The following NT5DC1 variants were observed in gnomAD, a reference collection of about 807,000 sequenced individuals.
NT5DC1 encodes the protein 5'-nucleotidase domain containing 1, also known as 5'-nucleotidase domain-containing protein 1.
Under a neutral mutation model 59.4 loss-of-function variants are expected in NT5DC1, and 42 were observed. The observed-to-expected ratio is 0.71, with a 90% CI of 0.55 to 0.92. The LOEUF is 0.92. Among genes scored for constraint, NT5DC1 ranks in the 40% least tolerant of loss-of-function variants. The probability of loss-of-function intolerance (pLI) is 0.00; values close to 1 mark genes in which losing one functional copy is unlikely to be tolerated. For missense variants in NT5DC1, 501 were observed against 537.1 expected, an observed-to-expected ratio of 0.93 and a Z score of 0.66; for synonymous variants, 172 against 188.1, an observed-to-expected ratio of 0.91 and a Z score of 0.70.
In NT5DC1 at chr6:116,120,090, G is replaced by C. The variant is rs779070916; in HGVS notation, c.529+2145G>C. 6.8e-6 allele frequency: 11 copies of C among 1,614,026 alleles called. No individual in the cohort carries two copies. Among genetic ancestry groups the C allele is most frequent in the Non-Finnish European group, 9.3e-6 (11 of 1,179,966 alleles). ...GTGTGTACTCACATTGGAGCCACTA[G>C]GAATCCTGAGAAAGAGGAGTGGACA... On this transcript the variant is annotated intron_variant, in intron 6 of 11. Coordinates refer to ENST00000319550, the MANE Select transcript of NT5DC1 (RefSeq NM_152729.3).
chr6:116,219,987 A>AC (rs1781764974), intron 6 of NT5DC1, among the ~76,000 whole-genome samples: 1 of 136,388 alleles, frequency 7.3e-6, no homozygotes, highest in Non-Finnish European at 1.6e-5. Flanking sequence ...AAAAAAAACA[A>AC]CTCTTCTTCC....
chr6:116,233,385 G>C (rs1782054392), intron 8 of NT5DC1, among the ~76,000 whole-genome samples: 1 of 152,138 alleles, frequency 6.6e-6, no homozygotes, highest in Non-Finnish European at 1.5e-5. Flanking sequence ...AATATATATG[G>C]AAGATTGTAA....
chr6:116,167,298 C>T (rs905720734), intron 6 of NT5DC1, among the ~76,000 whole-genome samples: 17 of 148,802 alleles, frequency 1.1e-4, no homozygotes, highest in South Asian at 2.1e-4. Flanking sequence ...CTGCAACTTC[C>T]GCCTCCCAGG....
intron 11 of NT5DC1, among the ~76,000 whole-genome samples, chr6:116,241,390 T>G (rs984978251): frequency 8.6e-5 from 13 of 152,032 alleles, no homozygotes; most frequent in African/African-American, 3.1e-4. Context: ...CATAGAGAAT[T>G]AAAATGCCTG....
intron 3 of NT5DC1, among the ~76,000 whole-genome samples, chr6:116,110,316 A>T (rs1003592673): frequency 5.9e-5 from 9 of 152,056 alleles, no homozygotes; most frequent in African/African-American, 1.9e-4. Context: ...CGATTTCCCT[A>T]TTTGGTTTTA....
chr6:116,229,831 C>G (rs1781983147), intron 8 of NT5DC1, among the ~76,000 whole-genome samples: 1 of 152,140 alleles, frequency 6.6e-6, no homozygotes. Context: ...CCTTAGCTGT[C>G]ACCAATACAC....
intron 6 of NT5DC1, among the ~76,000 whole-genome samples, chr6:116,127,353 T>G (rs1779344346): frequency 6.6e-6 from 1 of 152,168 alleles, no homozygotes; most frequent in South Asian, 2.1e-4. Flanking sequence ...TCATTGCCTC[T>G]CTCCTCTTGC....
intron 6 of NT5DC1, among the ~76,000 whole-genome samples, chr6:116,206,815 A>C (rs1480042840): frequency 1.3e-5 from 2 of 151,976 alleles, no homozygotes; most frequent in East Asian, 3.9e-4. Flanking sequence ...AGTCTAGTGC[A>C]GTTTCCTCTT....
chr6:116,239,086 C>G lies in NT5DC1; in HGVS notation c.1215C>G (p.Tyr405Ter), dbSNP rs1178740163. The change falls in exon 11 of 12, where the codon TAC (tyrosine) becomes TAG (stop). Residue 405 changes from tyrosine to a stop codon, truncating the protein, a stop_gained. Transcript: ENST00000319550. LOFTEE classifies it high-confidence loss of function. ...GGTCTTGTAAGAGAATCAGTACTTA[C>G]AGCACTATTGCAATTCCAAGTATTG... ...YTWSCKRIST[Y>*]STIAIPSIEA... is the part of the protein sequence containing the mutation. The G allele has an allele frequency of 1.2e-6, 2 of 1,612,304 alleles. No homozygotes were observed. Among genetic ancestry groups the G allele is most frequent in the Non-Finnish European group, 1.7e-6 (2 of 1,178,908 alleles).
intron 6 of NT5DC1, among the ~76,000 whole-genome samples, chr6:116,162,738 T>C (rs1374512140): frequency 5.9e-5 from 9 of 152,158 alleles, no homozygotes. Context: ...TAGTTTTCTG[T>C]TTTTGTGTTA....
intron 6 of NT5DC1, among the ~76,000 whole-genome samples, chr6:116,138,861 A>G (rs551948465): frequency 6.6e-6 from 1 of 152,266 alleles, no homozygotes; most frequent in South Asian, 2.1e-4. Flanking sequence ...TAGATAGTGA[A>G]TATTTTTTCA....
chr6:116,121,761 C>CT, intron 6 of NT5DC1: 16 of 1,613,922 alleles, frequency 9.9e-6, no homozygotes, highest in Non-Finnish European at 1.3e-5. Context: ...GGTCCTCTCT[C>CT]TCCTGGTTTT....
chr6:116,144,784 T>C (rs1305976707), intron 6 of NT5DC1, among the ~76,000 whole-genome samples: 1 of 152,116 alleles, frequency 6.6e-6, no homozygotes, highest in Non-Finnish European at 1.5e-5. Context: ...CCAATGGTAT[T>C]TGTCCCTGAC....
At position 116,224,923 on chromosome 6, in the gene NT5DC1, C is replaced by T. The variant is rs539569005; in HGVS notation, c.802+1792C>T. ...GCAGCGTCCCTAGTAAGATAACTGT[C>T]GTGGTTTGGTCCAGAGCGACAGTAC... On this transcript the variant is annotated intron_variant, in intron 8 of 11. Coordinates refer to ENST00000319550, the MANE Select transcript of NT5DC1 (RefSeq NM_152729.3). Among the ~76,000 whole-genome samples the T allele has an allele frequency of 4.0e-4, 61 of 152,072 alleles. 1 individual carries two copies. Among genetic ancestry groups the T allele is most frequent in the Middle Eastern group, 3.4e-3 (1 of 294 alleles).
intron 6 of NT5DC1, among the ~76,000 whole-genome samples, chr6:116,154,634 T>G (rs1253894912): frequency 1.3e-5 from 2 of 150,160 alleles, no homozygotes; most frequent in Non-Finnish European, 3.0e-5. Context: ...TGGTGTTTAT[T>G]TGGTAAACTT....
chr6:116,237,759 G>A (rs1782146408), intron 9 of NT5DC1: 3 of 263,106 alleles, frequency 1.1e-5, no homozygotes, highest in Non-Finnish European at 2.3e-5. Flanking sequence ...TCTGGGGTTG[G>A]GCCCAGAAAC....
At chr6:116,203,374 T>C (rs1781384467) in intron 6 of NT5DC1, among the ~76,000 whole-genome samples, 2 of 151,994 alleles carry the variant, frequency 1.3e-5, no homozygotes, top group Admixed American at 1.3e-4. Flanking sequence ...GCTCTCTTCA[T>C]GCTCCCTTCT....
chr6:116,125,493 A>G (rs1476964225), intron 6 of NT5DC1: 2 of 1,613,488 alleles, frequency 1.2e-6, no homozygotes, highest in Non-Finnish European at 1.7e-6. Context: ...GTGGCAGCAT[A>G]TTCTCAGATG....
intron 6 of NT5DC1, among the ~76,000 whole-genome samples, chr6:116,211,207 G>GCCAGC (rs1262208213): frequency 2.0e-5 from 3 of 152,036 alleles, no homozygotes; most frequent in Admixed American, 6.6e-5. Flanking sequence ...CACCGTTCCA[G>GCCAGC]CCAGCCCAGC....
Sources: gnomAD v4.1 joint callset for allele counts (sites outside exome capture counted in the v4.1 genomes callset) on GRCh38, gnomAD v4.1.1 for gene constraint, MANE v1.5 for transcripts, NCBI Gene and HGNC (gene_info 2026-07-23, HGNC 2026-07-21) for gene names.